The following WASHC5 variants were observed in gnomAD, a reference collection of about 807,000 sequenced individuals.
WASHC5 encodes WASH complex subunit 5.
WASHC5 carries 101 observed loss-of-function variants against 150.4 expected under a neutral mutation model. The observed-to-expected ratio is 0.67, with a 90% CI of 0.57 to 0.79. WASHC5 has a LOEUF of 0.79. WASHC5 is among the 30% of genes least tolerant of loss of function. The pLI is 0.00. For missense variants in WASHC5, 1,195 were observed against 1,396.3 expected (o/e 0.86, Z 2.30); for synonymous variants, 467 against 491.2 (o/e 0.95, Z 0.65).
Position 125,081,543 on chromosome 8 carries a change from C to T in WASHC5, c.518+118G>A, listed in dbSNP as rs1005295027. 4.2e-5 allele frequency: 32 copies of T among 759,244 alleles called. No homozygotes were observed. In the East Asian group the frequency reaches 7.0e-4, roughly 17 times the overall value. 47.0% of individuals were successfully genotyped at this position (759,244 alleles called of 1,614,324 possible). ...CGTTAGCCACTGTGCCCGGCTGAAT[C>T]GTATACTTTCTTATCTATTCTTGGA... On this transcript the variant is annotated intron_variant, in intron 5 of 28. Transcript: ENST00000318410.
chr8:125,069,625 T>C (rs2130146209), intron 9 of WASHC5, among the ~76,000 whole-genome samples: 1 of 152,328 alleles, frequency 6.6e-6, no homozygotes, highest in South Asian at 2.1e-4. Context: ...GGTCATCTTA[T>C]ATGCTGATTT....
chr8:125,085,638 AG>A (rs765432607), intron 1 of WASHC5, among the ~76,000 whole-genome samples: 3 of 152,196 alleles, frequency 2.0e-5, no homozygotes, highest in Non-Finnish European at 2.9e-5. Context: ...GTGCCTTCTA[AG>A]CATCTTCTGT....
intron 17 of WASHC5, among the ~76,000 whole-genome samples, chr8:125,051,912 GT>G (rs1036016574): frequency 5.9e-5 from 9 of 152,208 alleles, no homozygotes; most frequent in South Asian, 2.1e-4. Context: ...ACATAACATA[GT>G]TTTTCAAATG....
In WASHC5 at chr8:125,061,164, G is replaced by A; in HGVS notation, c.1439C>T (p.Ser480Leu). ...ENLQAWFREI[S>L]KQILSLNYDD... The stretch of plus-strand genomic sequence containing the variant: ...ATAATTTAAAGACAATATTTGTTTT[G>A]AGATCTCTCTGAACCAAGCTTGAAG... The change falls in exon 12 of 29, where the codon TCA (serine) becomes TTA (leucine). Residue 480 changes from serine to leucine, a missense_variant. Around this residue, in one of 3 missense-constraint regions of WASHC5, gnomAD observed 997 missense variants for 1,168.1 expected, o/e 0.85. Coordinates refer to ENST00000318410, the MANE Select transcript of WASHC5 (RefSeq NM_014846.4). 1 of 1,609,902 alleles carries A rather than the reference G, an allele frequency of 6.2e-7. No homozygotes were observed. The highest frequency in any genetic ancestry group is 8.5e-7 in the Non-Finnish European group (1 of 1,176,440).
At position 125,083,232 on chromosome 8, in the gene WASHC5, C is replaced by A; in HGVS notation, c.213G>T (p.Leu71=). The A allele has an allele frequency of 6.2e-7, 1 of 1,612,996 alleles. No individual in the cohort carries two copies. The highest frequency in any genetic ancestry group is 8.5e-7 in the Non-Finnish European group (1 of 1,179,358). ...AATCCTGTAGCTCTGGCTTAGCATC[C>A]AGTTTGCTTTCCCATAATTCTGGAC... ...FKGPELWESK[L]DAKPELQDLD... The change falls in exon 3 of 29, where the codon CTG becomes CTT. Residue 71 remains leucine (L), a synonymous_variant. Coordinates refer to ENST00000318410, the MANE Select transcript of WASHC5 (RefSeq NM_014846.4).
intron 6 of WASHC5, among the ~76,000 whole-genome samples, chr8:125,077,922 C>A (rs1432396602): frequency 1.3e-5 from 2 of 152,076 alleles, no homozygotes; most frequent in Non-Finnish European, 2.9e-5. Flanking sequence ...ACAACACCAC[C>A]AACAAAAACC....
At chr8:125,068,912 T>TA (rs1210328589) in intron 9 of WASHC5, among the ~76,000 whole-genome samples, 3 of 152,218 alleles carry the variant, frequency 2.0e-5, no homozygotes, top group Non-Finnish European at 4.4e-5. Context: ...AAGAATAGAA[T>TA]AAAAAATATT....
chr8:125,040,706 TGAA>T (rs554017510), intron 23 of WASHC5: 3 of 152,294 alleles, frequency 2.0e-5, no homozygotes, highest in African/African-American at 4.8e-5. Flanking sequence ...TGTTGCCATG[TGAA>T]GAAGGACATG....
chr8:125,043,193 T>C (rs558166388), intron 23 of WASHC5, among the ~76,000 whole-genome samples: 1 of 152,292 alleles, frequency 6.6e-6, no homozygotes, highest in South Asian at 2.1e-4. Context: ...GCTGTGATGA[T>C]CTCAGATTAT....
At chr8:125,054,665 A>C (rs2130074784) in intron 17 of WASHC5, among the ~76,000 whole-genome samples, 1 of 151,932 alleles carries the variant, frequency 6.6e-6, no homozygotes, top group East Asian at 1.9e-4. Context: ...AAAAAATACA[A>C]GAAATTAGCC....
intron 14 of WASHC5, among the ~76,000 whole-genome samples, chr8:125,058,082 G>C (rs1397760147): frequency 6.6e-6 from 1 of 151,338 alleles, no homozygotes; most frequent in African/African-American, 2.4e-5. Context: ...CGTTCTGATA[G>C]AATCTGATTG....
At chr8:125,058,663 G>C (rs934057758) in intron 14 of WASHC5, among the ~76,000 whole-genome samples, 1 of 151,966 alleles carries the variant, frequency 6.6e-6, no homozygotes, top group Non-Finnish European at 1.5e-5. Flanking sequence ...CAAGAGAATC[G>C]CTTGAACCCG....
In WASHC5 at chr8:125,083,763, C is replaced by T. The variant is rs746215387; in HGVS notation, c.136G>A (p.Ala46Thr). Residue 46 changes from alanine (A) to threonine (T), a missense_variant, in exon 2 of 29, where the codon GCT (alanine) becomes ACT (threonine). By Grantham distance (58) the Ala-to-Thr change is moderately conservative. This residue lies in a region of WASHC5 where 195 missense variants were observed against 206.9 expected (regional missense o/e 0.94). Coordinates refer to ENST00000318410, the MANE Select transcript of WASHC5 (RefSeq NM_014846.4). ...IPAVFRLKDR[A>T]DQQKYGDIIF... Reference sequence around the variant, plus strand: ...ATATCTCCATATTTCTGTTGATCAGCTCTGTCTTTTAACCTGAACACAGCA... The same window carrying T: ...ATATCTCCATATTTCTGTTGATCAGTTCTGTCTTTTAACCTGAACACAGCA... The T allele has an allele frequency of 6.2e-6, 10 of 1,613,756 alleles. No individual in the cohort carries two copies. The highest frequency in any genetic ancestry group is 2.2e-5 in the East Asian group (1 of 44,900).
At chr8:125,037,149 A>T in intron 26 of WASHC5, 88 bp downstream of exon 26, 1 of 806,524 alleles carries the variant, frequency 1.2e-6, no homozygotes, top group South Asian at 1.4e-5. Context: ...CTCATATCCG[A>T]CATAGGCATT....
Position 125,083,993 on chromosome 8 carries a change from G to T in WASHC5, c.-95C>A, listed in dbSNP as rs1428007461. 5.0e-6 allele frequency: 6 copies of T among 1,211,736 alleles called. No individual in the cohort carries two copies. 75.1% of individuals were successfully genotyped at this position (1,211,736 alleles called of 1,614,324 possible). On this transcript the variant is annotated 5_prime_UTR_variant, in exon 2 of 29. Coordinates refer to ENST00000318410, the MANE Select transcript of WASHC5 (RefSeq NM_014846.4). Reference sequence around the variant, plus strand: ...TATATTATTAGATGAAACCAGGTGTGCAGAGAGATTGGCTCCTCCATTAAA... The same window carrying T: ...TATATTATTAGATGAAACCAGGTGTTCAGAGAGATTGGCTCCTCCATTAAA...
At chr8:125,079,116 G>GTGTATATATATATATA (rs370503575) in intron 5 of WASHC5, among the ~76,000 whole-genome samples, 186 bp from the exon 6 acceptor site, 22 of 97,910 alleles carry the variant, frequency 2.2e-4, no homozygotes, top group African/African-American at 7.8e-4. Flanking sequence ...GTGTGTGTGT[G>GTGTATATATATATATA]TATATATATA....
At chr8:125,031,968 T>A (rs1815552666) in intron 27 of WASHC5, among the ~76,000 whole-genome samples, 1 of 152,092 alleles carries the variant, frequency 6.6e-6, no homozygotes, top group African/African-American at 2.4e-5. Flanking sequence ...AGGGCTGCAC[T>A]TTCTTCCCCA....
At chr8:125,027,393 A>G (rs913770251) in intron 28 of WASHC5, among the ~76,000 whole-genome samples, 51 of 152,356 alleles carry the variant, frequency 3.3e-4, no homozygotes, top group Non-Finnish European at 4.0e-4. Flanking sequence ...CAATGAGTGG[A>G]TAAAGAAATT....
rs139652594 is a variant in WASHC5, at chr8:125,038,917, T to C, written c.2997A>G (p.Ser999=). 2 of 1,614,020 alleles carry C rather than the reference T, an allele frequency of 1.2e-6. No homozygotes were observed. The highest frequency in any genetic ancestry group is 1.7e-6 in the Non-Finnish European group (2 of 1,179,886). Residue 999 remains serine (S), a synonymous_variant, in exon 25 of 29, where the codon TCA becomes TCG. Transcript: ENST00000318410. ...ADIEAHYQDP[S]LPYPKEDNTL... is the part of the protein sequence containing the mutation. ...TGTTATCTTCTTTGGGGTAAGGAAG[T>C]GAAGGGTCCTGATAGTGGGCTTCAA...
Sources: allele counts gnomAD v4.1 joint callset (sites outside exome capture counted in the v4.1 genomes callset), GRCh38; gene constraint gnomAD v4.1.1; regional missense constraint gnomAD v4.1.1; transcripts MANE v1.5; gene names NCBI Gene and HGNC (gene_info 2026-07-23, HGNC 2026-07-21).